SPAG16: variants seen among roughly 807,000 people sequenced by gnomAD.
The protein encoded by SPAG16 is sperm-associated antigen 16 protein.
In SPAG16, 86 loss-of-function variants were observed where a neutral mutation model predicts 80.4. That is an observed-to-expected ratio of 1.07 (90% confidence interval 0.90 to 1.28). The LOEUF is 1.28. SPAG16 is among the 50% of genes most tolerant of loss of function. The pLI is 0.00. For missense variants in SPAG16, 870 were observed against 765.3 expected, an observed-to-expected ratio of 1.14 and a Z score of -1.61; for synonymous variants, 294 against 265.9, an observed-to-expected ratio of 1.11 and a Z score of -1.03.
intron 15 of SPAG16, among the ~76,000 whole-genome samples, chr2:214,296,364 G>A (rs182954871): frequency 2.0e-5 from 3 of 152,282 alleles, no homozygotes; most frequent in East Asian, 3.9e-4. Context: ...GTGAGTATGG[G>A]TGTCCTTTGG....
At chr2:213,474,931 T>G (rs1440467565) in intron 9 of SPAG16, among the ~76,000 whole-genome samples, 1 of 152,196 alleles carries the variant, frequency 6.6e-6, no homozygotes, top group Non-Finnish European at 1.5e-5. Context: ...CCTCCTTCAA[T>G]TCACTGAAGT....
At chr2:213,929,539 A>G (rs1372180505) in intron 11 of SPAG16, among the ~76,000 whole-genome samples, 6 of 152,208 alleles carry the variant, frequency 3.9e-5, no homozygotes, top group African/African-American at 1.4e-4. Context: ...TAATCTAAAC[A>G]TAAGCAATGC....
At chr2:214,149,079 A>ATG (rs2125566776) in intron 14 of SPAG16, 61 bp from the exon 15 acceptor site, 3 of 234,258 alleles carry the variant, frequency 1.3e-5, no homozygotes, top group East Asian at 1.5e-4. Flanking sequence ...GTGTGTGTGT[A>ATG]TATATATATA....
intron 12 of SPAG16, among the ~76,000 whole-genome samples, chr2:213,937,327 T>C (rs1034012861): frequency 3.9e-5 from 6 of 152,042 alleles, no homozygotes; most frequent in Admixed American, 6.6e-5. Context: ...ACCTGTCTTA[T>C]ATTGCCAAGA....
At chr2:213,803,227 A>C (rs868231464) in intron 10 of SPAG16, among the ~76,000 whole-genome samples, 2 of 152,216 alleles carry the variant, frequency 1.3e-5, no homozygotes, top group Non-Finnish European at 2.9e-5. Context: ...GGAATATGGC[A>C]AGATGACAGA....
At chr2:214,374,215 C>T (rs1298035728) in intron 15 of SPAG16, among the ~76,000 whole-genome samples, 2 of 152,140 alleles carry the variant, frequency 1.3e-5, no homozygotes, top group Admixed American at 6.5e-5. Flanking sequence ...AAATGAACTT[C>T]CAAAAGTATC....
intron 5 of SPAG16, among the ~76,000 whole-genome samples, chr2:213,327,536 T>C (rs1192529721): frequency 6.6e-6 from 1 of 152,154 alleles, no homozygotes; most frequent in Non-Finnish European, 1.5e-5. Flanking sequence ...TGCACATTTA[T>C]GGTTCTGCTT....
intron 12 of SPAG16, among the ~76,000 whole-genome samples, chr2:213,940,007 T>A (rs908099023): frequency 1.1e-4 from 17 of 152,172 alleles, no homozygotes; most frequent in African/African-American, 4.1e-4. Context: ...TCAATACATG[T>A]CCTAGTAAAA....
intron 11 of SPAG16, among the ~76,000 whole-genome samples, chr2:213,928,313 C>G (rs1194437977): frequency 6.6e-6 from 1 of 150,986 alleles, no homozygotes; most frequent in Non-Finnish European, 1.5e-5. Flanking sequence ...AGGATGGTCT[C>G]TATCTCCTGA....
At chr2:213,792,793 A>G (rs1421295555) in intron 10 of SPAG16, among the ~76,000 whole-genome samples, 1 of 151,692 alleles carries the variant, frequency 6.6e-6, no homozygotes, top group Non-Finnish European at 1.5e-5. Context: ...TAGCTGCCAC[A>G]TCTCTAAAAC....
At chr2:214,250,318 T>C (rs942587236) in intron 15 of SPAG16, 3 of 152,034 alleles carry the variant, frequency 2.0e-5, no homozygotes, top group African/African-American at 7.2e-5. Context: ...AGTAACTAAA[T>C]CTCTTCAATG....
At chr2:213,460,057 G>C (rs748843635) in intron 9 of SPAG16, among the ~76,000 whole-genome samples, 5 of 152,184 alleles carry the variant, frequency 3.3e-5, no homozygotes, top group African/African-American at 9.7e-5. Context: ...GTATGTGAAA[G>C]TCAAGTTGTT....
At chr2:213,684,405 A>G (rs2064558960) in intron 10 of SPAG16, among the ~76,000 whole-genome samples, 1 of 152,242 alleles carries the variant, frequency 6.6e-6, no homozygotes, top group East Asian at 1.9e-4. Flanking sequence ...TGACTTCAGT[A>G]TTTGCTGCAA....
chr2:213,398,122 AT>A (rs765820234), intron 9 of SPAG16, among the ~76,000 whole-genome samples: 9 of 151,914 alleles, frequency 5.9e-5, no homozygotes, highest in Non-Finnish European at 1.3e-4. Context: ...CTTTGAAAAA[AT>A]ATCTACATTT....
chr2:213,350,153 G>A (rs1228285977), intron 6 of SPAG16, among the ~76,000 whole-genome samples: 1 of 152,140 alleles, frequency 6.6e-6, no homozygotes, highest in Non-Finnish European at 1.5e-5. Context: ...GACACTCCAT[G>A]TTTAATCATC....
chr2:213,831,114 A>T (rs965641854), intron 10 of SPAG16, among the ~76,000 whole-genome samples: 1 of 136,204 alleles, frequency 7.3e-6, no homozygotes, highest in Non-Finnish European at 1.5e-5. Context: ...ATCTCAGCTC[A>T]CTGCAACCTT....
At chr2:214,143,474 CAT>C (rs1359341928) in intron 14 of SPAG16, among the ~76,000 whole-genome samples, 1 of 151,950 alleles carries the variant, frequency 6.6e-6, no homozygotes, top group Admixed American at 6.6e-5. Context: ...TTTGACTCAT[CAT>C]ATAGTTGTGA....
At chr2:213,636,495 A>G (rs1293491364) in intron 10 of SPAG16, among the ~76,000 whole-genome samples, 1 of 152,158 alleles carries the variant, frequency 6.6e-6, no homozygotes, top group Non-Finnish European at 1.5e-5. Context: ...GTAAAGAATG[A>G]TGTTGGTATT....
At chr2:214,044,414 C>G (rs2049200270) in intron 13 of SPAG16, among the ~76,000 whole-genome samples, 1 of 152,084 alleles carries the variant, frequency 6.6e-6, no homozygotes, top group Admixed American at 6.5e-5. Context: ...TCACGTCCAC[C>G]CCTGGACAAC....
Sources: gnomAD v4.1 joint callset for allele counts (sites outside exome capture counted in the v4.1 genomes callset) on GRCh38, gnomAD v4.1.1 for gene constraint, MANE v1.5 for transcripts, NCBI Gene and HGNC (gene_info 2026-07-23, HGNC 2026-07-21) for gene names.